RABGGTB: variants seen among roughly 807,000 people sequenced by gnomAD.
RABGGTB encodes the protein Rab geranylgeranyltransferase subunit beta.
Under a neutral mutation model 44.5 loss-of-function variants are expected in RABGGTB, and 20 were observed. The observed-to-expected ratio is 0.45, with a 90% CI of 0.32 to 0.65. The LOEUF is 0.65. RABGGTB is among the 30% of genes least tolerant of loss of function. The pLI is 0.05. For missense variants in RABGGTB, 302 were observed against 398.7 expected, an observed-to-expected ratio of 0.76 and a Z score of 2.06; for synonymous variants, 128 against 136.7, an observed-to-expected ratio of 0.94 and a Z score of 0.44.
chr1:75,794,291 G>A (rs2100491200), intron 8 of RABGGTB, 58 bp downstream of exon 8: 2 of 1,530,664 alleles, frequency 1.3e-6, no homozygotes, highest in East Asian at 4.5e-5. Context: ...ATTACTTCAT[G>A]GTTCCATGGA....
At chr1:75,791,405 A>C (rs967945224) in intron 5 of RABGGTB, 56 bp from the exon 6 acceptor site, 188 of 1,261,670 alleles carry the variant, frequency 1.5e-4, no homozygotes, top group Non-Finnish European at 2.1e-4. Flanking sequence ...TTTTTTTTTG[A>C]GTCTGATCTG....
chr1:75,791,706 A>AT (rs759071372), intron 6 of RABGGTB, 135 bp downstream of exon 6: 23 of 707,852 alleles, frequency 3.2e-5, no homozygotes, highest in Non-Finnish European at 4.7e-5. Context: ...TTACATAAGA[A>AT]TTGCTTAATT....
rs1376086844 is a variant in RABGGTB at position 75,791,487 on chromosome 1, A to G, written c.495A>G (p.Glu165=). The change falls in exon 6 of 9, where the codon GAA becomes GAG. Residue 165 remains glutamate, a synonymous_variant. Transcript: ENST00000319942. ...GGAAGCTTGATGCTATTAATGTGGA[A>G]AAGGCAATCGAATTTGTTTTATCCT... The part of the protein sequence containing the change: ...LLGKLDAINV[E]KAIEFVLSCM... The G allele has an allele frequency of 2.5e-6, 4 of 1,613,488 alleles. No homozygotes were observed. The highest frequency in any genetic ancestry group is 3.4e-6 in the Non-Finnish European group (4 of 1,179,914).
chr1:75,791,248 G>A, intron 4 of RABGGTB, 37 bp from the exon 5 acceptor site: 1 of 1,554,204 alleles, frequency 6.4e-7, no homozygotes, highest in South Asian at 1.1e-5. Context: ...GTATGATTTG[G>A]TAACACCTGC....
At chr1:75,787,916 C>G in intron 2 of RABGGTB, 1 of 588,988 alleles carries the variant, frequency 1.7e-6, no homozygotes, top group Non-Finnish European at 3.3e-6. Context: ...CATGTATTAT[C>G]TGAATCTATT....
Position 75,794,476 on chromosome 1 carries a change from T to C in RABGGTB, c.856-34T>C, listed in dbSNP as rs773604609. On this transcript the variant is annotated intron_variant, in intron 8 of 8. Coordinates refer to ENST00000319942, the MANE Select transcript of RABGGTB (RefSeq NM_004582.4). ...AATTTGAAGTTAAAGAAGTTTTCAT[T>C]TTGTGATCTGTATATAAATTCTTTT... 11 of 1,572,644 alleles carry C rather than the reference T, an allele frequency of 7.0e-6. No homozygotes were observed. The South Asian group carries it at 1.2e-4, about 17-fold the overall frequency.
chr1:75,790,885 C>T (rs80187825), intron 4 of RABGGTB, among the ~76,000 whole-genome samples: 3,294 of 152,182 alleles, frequency 0.022, 119 homozygotes, highest in African/African-American at 0.075. Context: ...TCATGTGATC[C>T]TCCTGCCTCG....
Position 75,794,809 on chromosome 1 carries a change from A to T in RABGGTB, c.*159A>T. On this transcript the variant is annotated 3_prime_UTR_variant, in exon 9 of 9. Transcript: ENST00000319942. ...TAATTATACATATTGTAAAATAAAG[A>T]CCGGTATTTTATTTTCTGCTTTTTA... 2.2e-6 allele frequency: 1 copy of T among 459,482 alleles called. No individual in the cohort carries two copies. Among genetic ancestry groups the T allele is most frequent in the Admixed American group, 4.8e-5 (1 of 20,928 alleles). 28.5% of individuals were successfully genotyped at this position (459,482 alleles called of 1,614,324 possible). A position where few individuals can be genotyped will look rare whatever the true frequency, so the allele number is the denominator to read the frequency against.
In RABGGTB at chr1:75,794,186, T is replaced by C; in HGVS notation, c.808T>C (p.Cys270Arg). The C allele has an allele frequency of 1.2e-6, 2 of 1,613,800 alleles. No individual in the cohort carries two copies. Among genetic ancestry groups the C allele is most frequent in the East Asian group, 2.2e-5 (1 of 44,876 alleles). Residue 270 changes from cysteine (C) to arginine (R), a missense_variant, in exon 8 of 9, where the codon TGT (cysteine) becomes CGT (arginine). Physicochemically the swap from Cys to Arg is radical, Grantham distance 180. This residue lies in a region of RABGGTB where 213 missense variants were observed against 323.7 expected (regional missense o/e 0.66). Coordinates refer to ENST00000319942, the MANE Select transcript of RABGGTB (RefSeq NM_004582.4). ...GAAACTGCGTAATTTCATTTTAGCATGTCAAGATGAAGAAACGGGGGGATT... is the reference window on the plus strand; with the variant it reads ...GAAACTGCGTAATTTCATTTTAGCACGTCAAGATGAAGAAACGGGGGGATT... Reference protein sequence around the residue: ...REKLRNFILACQDEETGGFAD... With the variant: ...REKLRNFILARQDEETGGFAD...
At chr1:75,791,640 G>T (rs1039954153) in intron 6 of RABGGTB, 69 bp downstream of exon 6, 3 of 1,333,960 alleles carry the variant, frequency 2.2e-6, no homozygotes, top group African/African-American at 3.0e-5. Context: ...AAGAAAATTG[G>T]TTATTTCAGT....
In RABGGTB at chr1:75,789,247, A is replaced by G. The variant is rs755777439; in HGVS notation, c.200A>G (p.Asn67Ser). 3.7e-6 allele frequency: 6 copies of G among 1,614,108 alleles called. No individual in the cohort carries two copies. The highest frequency in any genetic ancestry group is 5.1e-6 in the Non-Finnish European group (6 of 1,179,974). Residue 67 changes from asparagine (N) to serine (S), a missense_variant, in exon 3 of 9, where the codon AAT (asparagine) becomes AGT (serine). Transcript: ENST00000319942. ...MDLMGQLHRM[N>S]REEILAFIKS... Reference sequence around the variant, plus strand: ...CTCATGGGACAACTTCATCGCATGAATAGAGAAGAGATTCTGGCATTTATT... The same window carrying G: ...CTCATGGGACAACTTCATCGCATGAGTAGAGAAGAGATTCTGGCATTTATT...
chr1:75,794,654 C>A lies in RABGGTB; in HGVS notation c.*4C>A, dbSNP rs761583721. ...TCAGCCTGAGCTAGTGAGCTAGATT[C>A]ATTGAATTGAAAGTTGCATAGTATA... On this transcript the variant is annotated 3_prime_UTR_variant, in exon 9 of 9. Coordinates refer to ENST00000319942, the MANE Select transcript of RABGGTB (RefSeq NM_004582.4). 1.3e-6 allele frequency: 2 copies of A among 1,586,058 alleles called. No individual in the cohort carries two copies. The highest frequency in any genetic ancestry group is 1.7e-6 in the Non-Finnish European group (2 of 1,165,348).
chr1:75,788,903 G>A, intron 2 of RABGGTB: 1 of 485,726 alleles, frequency 2.1e-6, no homozygotes, highest in Non-Finnish European at 3.7e-6. Flanking sequence ...AGAAACTAAA[G>A]CACTGTTTGT....
chr1:75,792,330 T>C (rs767775225), intron 7 of RABGGTB, 24 bp downstream of exon 7: 1 of 1,608,666 alleles, frequency 6.2e-7, no homozygotes, highest in Admixed American at 1.7e-5. Flanking sequence ...AGCCATATTC[T>C]GCTAGCTTTA....
At chr1:75,793,182 A>C (rs1649688728) in intron 7 of RABGGTB, among the ~76,000 whole-genome samples, 1 of 152,124 alleles carries the variant, frequency 6.6e-6, no homozygotes, top group South Asian at 2.1e-4. Context: ...CAAGGATTGT[A>C]GCTTGCTGTG....
rs1649715275 is a variant in RABGGTB, at chr1:75,794,194, T to A, written c.816T>A (p.Asp272Glu). The A allele has an allele frequency of 6.2e-7, 1 of 1,613,592 alleles. No homozygotes were observed. Among genetic ancestry groups the A allele is most frequent in the African/African-American group, 1.3e-5 (1 of 74,924 alleles). ...KLRNFILACQ[D>E]EETGGFADRP... ...GTAATTTCATTTTAGCATGTCAAGATGAAGAAACGGGGGGATTTGCAGACA... is the reference window on the plus strand; with the variant it reads ...GTAATTTCATTTTAGCATGTCAAGAAGAAGAAACGGGGGGATTTGCAGACA... Residue 272 changes from aspartate (D) to glutamate (E), a missense_variant, in exon 8 of 9, where the codon GAT becomes GAA. This residue lies in a region of RABGGTB where 213 missense variants were observed against 323.7 expected (regional missense o/e 0.66). Coordinates refer to ENST00000319942, the MANE Select transcript of RABGGTB (RefSeq NM_004582.4).
chr1:75,786,250 C>A, upstream of RABGGTB: 1 of 1,614,138 alleles, frequency 6.2e-7, no homozygotes. Flanking sequence ...ACTGACCCTG[C>A]TCTCTCCTTT....
At chr1:75,787,753 C>CT in intron 2 of RABGGTB, 149 bp downstream of exon 2, 1 of 689,912 alleles carries the variant, frequency 1.4e-6, no homozygotes, top group Non-Finnish European at 2.5e-6. Flanking sequence ...GTTAAGTGTG[C>CT]TTTGGACGTC....
At chr1:75,791,214 A>G in intron 4 of RABGGTB, 71 bp from the exon 5 acceptor site, 1 of 1,248,994 alleles carries the variant, frequency 8.0e-7, no homozygotes, top group Non-Finnish European at 1.2e-6. Flanking sequence ...GTAGTTGTGC[A>G]GTGTTTGTTT....
Sources: gnomAD v4.1 joint callset for allele counts (sites outside exome capture counted in the v4.1 genomes callset) on GRCh38, gnomAD v4.1.1 for gene constraint, gnomAD v4.1.1 regional missense constraint, MANE v1.5 for transcripts, NCBI Gene and HGNC (gene_info 2026-07-23, HGNC 2026-07-21) for gene names.